The following DNAH3 variants were observed in gnomAD, a reference collection of about 807,000 sequenced individuals.
DNAH3 encodes axonemal beta dynein heavy chain 3.
DNAH3 carries 332 observed loss-of-function variants against 432.5 expected under a neutral mutation model. The observed-to-expected ratio is 0.77, with a 90% CI of 0.70 to 0.84. DNAH3 has a LOEUF of 0.84. Among genes scored for constraint, DNAH3 ranks in the 40% least tolerant of loss-of-function variants. DNAH3 has a pLI of 0.00. For synonymous variants in DNAH3, 1,956 were observed against 1,900.2 expected (o/e 1.03, Z -0.76); for missense variants, 4,861 against 5,114.0 (o/e 0.95, Z 1.51).
chr16:21,000,398 T>C (rs1567615580), exon 43 of DNAH3: 2 of 1,614,140 alleles, frequency 1.2e-6, no homozygotes, highest in Admixed American at 3.3e-5. Context: ...TTGTTGGTGA[T>C]GGCTGATTTG....
chr16:21,112,197 A>T, intron 12 of DNAH3, 99 bp from the exon 13 acceptor site: 1 of 778,132 alleles, frequency 1.3e-6, no homozygotes, highest in South Asian at 1.7e-5. Flanking sequence ...ATTTTAAAAA[A>T]TGTAGCCCAA....
chr16:21,078,396 G>A lies in DNAH3; in HGVS notation c.2970-2835C>T, dbSNP rs140869013. Among the ~76,000 whole-genome samples the A allele has an allele frequency of 7.2e-4, 109 of 152,200 alleles. 1 individual carries two copies. The highest frequency in any genetic ancestry group is 2.6e-3 in the African/African-American group (106 of 41,546). ...TAGCCTCTAGAAGGGAGGAAGATTA[G>A]GAGCAGAAAATTACAAACAAGGACT... On this transcript the variant is annotated intron_variant, in intron 20 of 61. Coordinates refer to ENST00000261383, the Ensembl canonical transcript of DNAH3.
chr16:21,078,925 GC>G (rs2091075391), intron 20 of DNAH3, among the ~76,000 whole-genome samples: 1 of 152,212 alleles, frequency 6.6e-6, no homozygotes, highest in African/African-American at 2.4e-5. Flanking sequence ...CAGGTGACAT[GC>G]CTTTTCTCCT....
chr16:21,055,772 G>T lies in DNAH3; in HGVS notation c.3925-1238C>A, dbSNP rs566215414. ...TTTTTTTTTTTTTTTTTGAGATGGG[G>T]TCTTGCTCTGTCACCTAGGCAGGAG... On this transcript the variant is annotated intron_variant, in intron 27 of 61. Transcript: ENST00000261383. 4.0e-5 allele frequency among the ~76,000 whole-genome samples: 6 copies of T among 149,178 alleles called. No individual in the cohort carries two copies. In the East Asian group the frequency reaches 1.2e-3, roughly 29 times the overall value.
intron 44 of DNAH3, among the ~76,000 whole-genome samples, chr16:20,993,173 C>T (rs1227058489): frequency 6.6e-6 from 1 of 152,074 alleles, no homozygotes; most frequent in East Asian, 1.9e-4. Context: ...GCCCTAACTT[C>T]CTATGTATTA....
chr16:21,114,886 T>C lies in DNAH3; in HGVS notation c.1814+2317A>G, dbSNP rs138119370. Among the ~76,000 whole-genome samples the C allele has an allele frequency of 1.5e-3, 227 of 152,314 alleles. 6 individuals are homozygous for C. In the East Asian group the frequency reaches 0.039, roughly 26 times the overall value. ...TACCATTTAACCCAGTTGATCCCAT[T>C]ACTGGGTATATACCCAAAGGATTAT... On this transcript the variant is annotated intron_variant, in intron 12 of 61. Transcript: ENST00000261383.
chr16:21,151,569 A>T (rs2092853445), intron 1 of DNAH3, among the ~76,000 whole-genome samples: 1 of 152,030 alleles, frequency 6.6e-6, no homozygotes, highest in Non-Finnish European at 1.5e-5. Context: ...GTGTGGGATT[A>T]CAGGTGTGAG....
At chr16:20,961,552 C>T (rs980051876) in intron 53 of DNAH3, among the ~76,000 whole-genome samples, 94 of 146,476 alleles carry the variant, frequency 6.4e-4, no homozygotes, top group African/African-American at 2.3e-3. Flanking sequence ...AAATAAAATG[C>T]GTTCATTAGA....
chr16:21,075,599 G>A, intron 20 of DNAH3, 38 bp from the exon 21 acceptor site: 1 of 1,495,410 alleles, frequency 6.7e-7, no homozygotes, highest in Non-Finnish European at 9.3e-7. Context: ...ATCAACAGGA[G>A]GCAGAGAAGA....
At chr16:20,970,208 C>T (rs1018878587) in intron 51 of DNAH3, among the ~76,000 whole-genome samples, 4 of 152,122 alleles carry the variant, frequency 2.6e-5, no homozygotes, top group Admixed American at 2.6e-4. Context: ...TCTGGATGTC[C>T]CGAACATCTG....
intron 50 of DNAH3, among the ~76,000 whole-genome samples, chr16:20,975,654 T>C (rs141921015): frequency 6.6e-6 from 1 of 152,348 alleles, no homozygotes; most frequent in African/African-American, 2.4e-5. Flanking sequence ...AGACATATAA[T>C]TGTAAACTAA....
intron 18 of DNAH3, among the ~76,000 whole-genome samples, chr16:21,091,554 A>G (rs1158600519): frequency 2.6e-5 from 4 of 152,342 alleles, no homozygotes; most frequent in African/African-American, 9.6e-5. Context: ...ACAGTGGCTC[A>G]TGCCTGTAAT....
In DNAH3 at chr16:20,941,428, A is replaced by ATTCAT; in HGVS notation, c.11626_11627insATGAA (p.Leu3876HisfsTer3). ...GTTGAATCTGATGAGCTCCTGCCTTAGGACGGTATTCATGGATTCTTCATA... is the reference window on the plus strand; with the variant it reads ...GTTGAATCTGATGAGCTCCTGCCTTATTCATGGACGGTATTCATGGATTCTTCATA... On this transcript the variant is annotated frameshift_variant, in exon 59 of 62. Coordinates refer to ENST00000261383, the Ensembl canonical transcript of DNAH3. LOFTEE classifies it high-confidence loss of function. 6.2e-7 allele frequency: 1 copy of ATTCAT among 1,614,012 alleles called. No individual in the cohort carries two copies. Among genetic ancestry groups the ATTCAT allele is most frequent in the Non-Finnish European group, 8.5e-7 (1 of 1,179,916 alleles).
intron 1 of DNAH3, among the ~76,000 whole-genome samples, chr16:21,149,986 G>A (rs1156700800): frequency 1.3e-5 from 2 of 152,136 alleles, no homozygotes; most frequent in Admixed American, 1.3e-4. Flanking sequence ...AGCACTTTGG[G>A]AGGCTGAGGC....
rs1567825916 is a variant in DNAH3 at position 21,120,867 on chromosome 16, A to G, written c.1585-13T>C. On this transcript the variant is annotated splice_polypyrimidine_tract_variant and intron_variant, in intron 10 of 61. Transcript: ENST00000261383. ...GTATGTATTTCAGCTGTCCCCATAC[A>G]TAGTCATCCAAATTACAGGGTCTTT... 7 of 1,588,024 alleles carry G rather than the reference A, an allele frequency of 4.4e-6. No individual in the cohort carries two copies. The South Asian group carries it at 7.8e-5, about 18-fold the overall frequency.
intron 38 of DNAH3, among the ~76,000 whole-genome samples, chr16:21,026,115 A>C (rs2088541117): frequency 6.6e-6 from 1 of 152,014 alleles, no homozygotes; most frequent in African/African-American, 2.4e-5. Context: ...TATTTTTTGT[A>C]CAGATCTCCT....
At chr16:21,050,719 C>G (rs368569905) in intron 29 of DNAH3, among the ~76,000 whole-genome samples, 1 of 152,238 alleles carries the variant, frequency 6.6e-6, no homozygotes, top group African/African-American at 2.4e-5. Context: ...GCTGAGACTA[C>G]AGGCGTGAGC....
At position 21,134,443 on chromosome 16, in the gene DNAH3, G is replaced by A. The variant is rs1346973582; in HGVS notation, c.898C>T (p.Leu300Phe). Residue 300 changes from leucine to phenylalanine, a missense_variant, in exon 7 of 62, where the codon CTC becomes TTC. Physicochemically the swap from Leu to Phe is conservative, Grantham distance 22. Transcript: ENST00000261383. ...CGTTTTCTCTCCATTGGGTCCATGA[G>A]GATGTAATCAACTACAACCGGAAAG... 3.1e-6 allele frequency: 5 copies of A among 1,613,716 alleles called. No individual in the cohort carries two copies. The highest frequency in any genetic ancestry group is 4.2e-6 in the Non-Finnish European group (5 of 1,179,916).
intron 3 of DNAH3, among the ~76,000 whole-genome samples, chr16:21,143,960 A>G (rs1196338156): frequency 1.3e-5 from 2 of 152,208 alleles, no homozygotes; most frequent in Non-Finnish European, 2.9e-5. Context: ...GGAAGATGTA[A>G]TTAAGAAACT....
Sources: allele counts gnomAD v4.1 joint callset (sites outside exome capture counted in the v4.1 genomes callset), GRCh38; gene constraint gnomAD v4.1.1; transcripts MANE v1.5; gene names NCBI Gene and HGNC (gene_info 2026-07-23, HGNC 2026-07-21).